Variants in MPP7 observed in about 807,000 individuals in gnomAD.
MPP7 encodes MAGUK p55 scaffold protein 7.
In MPP7, 60 loss-of-function variants were observed where a neutral mutation model predicts 76.5. The observed-to-expected ratio is 0.78, with a 90% CI of 0.64 to 0.97. The LOEUF is 0.97. Among genes scored for constraint, MPP7 ranks in the 50% least tolerant of loss-of-function variants. The pLI, the probability that MPP7 is intolerant of heterozygous loss-of-function variation, is 0.00. For synonymous variants in MPP7, 237 were observed against 244.5 expected, an observed-to-expected ratio of 0.97 and a Z score of 0.29; for missense variants, 641 against 694.0, an observed-to-expected ratio of 0.92 and a Z score of 0.86.
intron 1 of MPP7, among the ~76,000 whole-genome samples, chr10:28,285,667 C>T (rs1840773965): frequency 6.6e-6 from 1 of 152,070 alleles, no homozygotes; most frequent in Non-Finnish European, 1.5e-5. Flanking sequence ...AAAAGTGAGA[C>T]AACCAATATT....
intron 1 of MPP7, among the ~76,000 whole-genome samples, chr10:28,267,105 A>T (rs1186879527): frequency 2.0e-5 from 3 of 152,150 alleles, no homozygotes; most frequent in Non-Finnish European, 4.4e-5. Context: ...TGTTCCTATA[A>T]ATAAAGTTTT....
At chr10:28,290,286 CTTTTTT>C (rs57836658) in intron 1 of MPP7, among the ~76,000 whole-genome samples, 1 of 131,862 alleles carries the variant, frequency 7.6e-6, no homozygotes, top group African/African-American at 2.8e-5. Context: ...TTTTACTTTC[CTTTTTT>C]TTTTTTTTTT....
intron 1 of MPP7, among the ~76,000 whole-genome samples, chr10:28,288,843 C>T (rs900125794): frequency 6.6e-6 from 1 of 152,112 alleles, no homozygotes; most frequent in Non-Finnish European, 1.5e-5. Context: ...GCCTAGAGCA[C>T]CAAGAACCAC....
chr10:28,325,379 G>A (rs752200494), intron 2 of MPP7, among the ~76,000 whole-genome samples: 11 of 152,126 alleles, frequency 7.2e-5, no homozygotes, highest in South Asian at 2.1e-4. Context: ...GGCCAGGTGC[G>A]GTGGCTCATG....
chr10:28,134,905 T>C (rs1053783059), intron 5 of MPP7, among the ~76,000 whole-genome samples: 2 of 152,012 alleles, frequency 1.3e-5, no homozygotes, highest in African/African-American at 4.8e-5. Context: ...GAAAAAATAA[T>C]AGCCAGTCCA....
chr10:28,113,257 T>C (rs1834559967), intron 11 of MPP7, among the ~76,000 whole-genome samples: 1 of 152,078 alleles, frequency 6.6e-6, no homozygotes, highest in Admixed American at 6.5e-5. Flanking sequence ...TCCCCCCATC[T>C]CTCTTGCTCC....
chr10:28,228,848 C>A (rs1221792148), intron 2 of MPP7, among the ~76,000 whole-genome samples: 1 of 151,798 alleles, frequency 6.6e-6, no homozygotes, highest in Non-Finnish European at 1.5e-5. Flanking sequence ...AAAACTCAGC[C>A]CCAGCATGTA....
At chr10:28,220,052 C>T (rs1838448069) in intron 2 of MPP7, among the ~76,000 whole-genome samples, 1 of 152,052 alleles carries the variant, frequency 6.6e-6, no homozygotes, top group African/African-American at 2.4e-5. Context: ...ATATGTAAAA[C>T]AATCTAAATA....
intron 2 of MPP7, among the ~76,000 whole-genome samples, chr10:28,224,766 A>G (rs1012758080): frequency 6.6e-6 from 1 of 152,168 alleles, no homozygotes; most frequent in African/African-American, 2.4e-5. Context: ...GCATGAATCT[A>G]TCTGTGTTAG....
At chr10:28,312,998 G>A (rs537519558) in intron 2 of MPP7, among the ~76,000 whole-genome samples, 1 of 152,226 alleles carries the variant, frequency 6.6e-6, no homozygotes, top group African/African-American at 2.4e-5. Flanking sequence ...GCACACAGAG[G>A]GGATGTTTCC....
At chr10:28,301,066 T>C (rs1841144245) in intron 1 of MPP7, among the ~76,000 whole-genome samples, 1 of 152,104 alleles carries the variant, frequency 6.6e-6, no homozygotes, top group Non-Finnish European at 1.5e-5. Flanking sequence ...CTTAACATCA[T>C]ACAAGCGGCT....
At chr10:28,213,791 C>CA (rs575725136) in intron 2 of MPP7, among the ~76,000 whole-genome samples, 843 of 57,600 alleles carry the variant, frequency 0.015, 11 homozygotes, top group East Asian at 0.044. Context: ...GACTCTGTCT[C>CA]AAAAAAAAAA....
chr10:28,183,549 G>C (rs1471276662), intron 3 of MPP7, among the ~76,000 whole-genome samples: 1 of 152,208 alleles, frequency 6.6e-6, no homozygotes, highest in Non-Finnish European at 1.5e-5. Context: ...AACACTTTGG[G>C]AAGCTGAGGC....
chr10:28,244,372 T>G (rs778705237), intron 1 of MPP7, among the ~76,000 whole-genome samples: 1 of 152,204 alleles, frequency 6.6e-6, no homozygotes, highest in Non-Finnish European at 1.5e-5. Context: ...ATTTCAATTT[T>G]GGCTATCTCA....
intron 1 of MPP7, among the ~76,000 whole-genome samples, chr10:28,333,688 G>C (rs943276405): frequency 3.3e-5 from 5 of 152,182 alleles, no homozygotes; most frequent in East Asian, 1.9e-4. Context: ...ACTTTTTCAA[G>C]TATTTTGCAG....
intron 8 of MPP7, among the ~76,000 whole-genome samples, chr10:28,122,242 T>G (rs909480823): frequency 6.6e-6 from 1 of 152,166 alleles, no homozygotes; most frequent in Admixed American, 6.5e-5. Context: ...CTTACAACAG[T>G]GTCATTTAAT....
At chr10:28,059,830 AGTTTT>A (rs1851706972) in intron 13 of MPP7, 87 bp from the exon 14 acceptor site, 1 of 878,358 alleles carries the variant, frequency 1.1e-6, no homozygotes, top group East Asian at 2.5e-5. Flanking sequence ...GTATTTAATT[AGTTTT>A]TTCAACAGGA....
At chr10:28,319,837 G>A (rs572342126) in intron 2 of MPP7, among the ~76,000 whole-genome samples, 7 of 152,054 alleles carry the variant, frequency 4.6e-5, no homozygotes, top group African/African-American at 1.7e-4. Context: ...TTAGCCGGGT[G>A]TGGTGATGCA....
At chr10:28,086,421 C>T (rs978217427) in intron 12 of MPP7, among the ~76,000 whole-genome samples, 1 of 152,138 alleles carries the variant, frequency 6.6e-6, no homozygotes, top group African/African-American at 2.4e-5. Flanking sequence ...AAAGGGGAAA[C>T]AGGGCAACTG....
Sources: gnomAD v4.1 joint callset for allele counts (sites outside exome capture counted in the v4.1 genomes callset) on GRCh38, gnomAD v4.1.1 for gene constraint, MANE v1.5 for transcripts, NCBI Gene and HGNC (gene_info 2026-07-23, HGNC 2026-07-21) for gene names.